The following UBAP2L variants were observed in gnomAD, a reference collection of about 807,000 sequenced individuals.
The protein encoded by UBAP2L is ubiquitin associated protein 2 like, also known as ubiquitin-associated protein 2-like.
UBAP2L carries 12 observed loss-of-function variants against 130.6 expected under a neutral mutation model. The ratio of observed to expected loss-of-function variants is 0.09; its 90% CI spans 0.06 to 0.15. The LOEUF (loss-of-function observed/expected upper bound fraction) is 0.15. UBAP2L is among the 10% of genes least tolerant of loss of function. The pLI, the probability that UBAP2L is intolerant of heterozygous loss-of-function variation, is 1.00. For synonymous variants in UBAP2L, 503 were observed against 524.7 expected (o/e 0.96, Z 0.57); for missense variants, 965 against 1,332.5 (o/e 0.72, Z 4.29).
Position 154,270,775 on chromosome 1 carries a change from T to G in UBAP2L, c.*480T>G, listed in dbSNP as rs902715457. 1.1e-5 allele frequency: 14 copies of G among 1,225,704 alleles called. No individual in the cohort carries two copies. The highest frequency in any genetic ancestry group is 8.1e-5 in the South Asian group (3 of 37,046). 75.9% of individuals were successfully genotyped at this position (1,225,704 alleles called of 1,614,324 possible). A position where few individuals can be genotyped will look rare whatever the true frequency, so the allele number is the denominator to read the frequency against. Reference sequence around the variant, plus strand: ...GTTGAAGTGGTTTTTTTTTTGTTTTTTTTTTTTTTTTGTACTGTGTCCTCA... The same window carrying G: ...GTTGAAGTGGTTTTTTTTTTGTTTTGTTTTTTTTTTTGTACTGTGTCCTCA... On this transcript the variant is annotated 3_prime_UTR_variant, in exon 27 of 27. Coordinates refer to ENST00000428931, the MANE Select transcript of UBAP2L (RefSeq NM_014847.4).
Position 154,257,450 on chromosome 1 carries a change from G to C in UBAP2L, c.2442+16G>C. ...TGCCTACCCGGTAAGTGGGACTAAA[G>C]GATCTTCTTCAAAAGGTGAGGATGT... On this transcript the variant is annotated intron_variant, in intron 20 of 26. Transcript: ENST00000428931. 6.2e-7 allele frequency: 1 copy of C among 1,612,010 alleles called. No homozygotes were observed. Among genetic ancestry groups the C allele is most frequent in the Non-Finnish European group, 8.5e-7 (1 of 1,179,716 alleles).
rs1285752190 is a variant in UBAP2L at position 154,255,773 on chromosome 1, A to C, written c.2157+18A>C. Reference sequence around the variant, plus strand: ...CTCTTTTGGTAAGTGTGATGCTGAGAGGGATGTGTGGTTTTCTTACACTTA... The same window carrying C: ...CTCTTTTGGTAAGTGTGATGCTGAGCGGGATGTGTGGTTTTCTTACACTTA... On this transcript the variant is annotated intron_variant, in intron 18 of 26. Coordinates refer to ENST00000428931, the MANE Select transcript of UBAP2L (RefSeq NM_014847.4). The C allele has an allele frequency of 1.9e-6, 3 of 1,613,302 alleles. No individual in the cohort carries two copies. The highest frequency in any genetic ancestry group is 2.5e-6 in the Non-Finnish European group (3 of 1,179,428).
intron 4 of UBAP2L, among the ~76,000 whole-genome samples, chr1:154,231,274 G>A (rs898830928): frequency 1.2e-4 from 18 of 148,250 alleles, no homozygotes; most frequent in Admixed American, 2.7e-4. Flanking sequence ...ACAGGTGTGC[G>A]CCACCACACT....
chr1:154,252,326 G>A (rs1294943535), intron 14 of UBAP2L, among the ~76,000 whole-genome samples: 43 of 147,958 alleles, frequency 2.9e-4, no homozygotes, highest in South Asian at 1.9e-3. Context: ...CTGTTGCCAG[G>A]CTGGAGTGCA....
In UBAP2L at chr1:154,258,966, G is replaced by T. The variant is rs1260211183; in HGVS notation, c.2443-11G>T. On this transcript the variant is annotated splice_polypyrimidine_tract_variant and intron_variant, in intron 20 of 26. Transcript: ENST00000428931. ...CAGTTCCTGTTATTGCTATATGTCTGTATCTTTCAGCCACAAGTATATGGT... is the reference window on the plus strand; with the variant it reads ...CAGTTCCTGTTATTGCTATATGTCTTTATCTTTCAGCCACAAGTATATGGT... 1 of 1,612,986 alleles carries T rather than the reference G, an allele frequency of 6.2e-7. No individual in the cohort carries two copies.
In UBAP2L at chr1:154,254,046, G is replaced by T; in HGVS notation, c.1811G>T (p.Ser604Ile). The part of the protein sequence containing the change: ...QRSTQTRRYP[S>I]SISSSPQKDL... ...TCCACACAGACTCGGCGGTACCCCA[G>T]CTCCATCTCTTCATCACCCCAAAAG... The change falls in exon 15 of 27, where the codon AGC becomes ATC. Residue 604 changes from serine to isoleucine, a missense_variant. Coordinates refer to ENST00000428931, the MANE Select transcript of UBAP2L (RefSeq NM_014847.4). 6.2e-7 allele frequency: 1 copy of T among 1,602,250 alleles called. No individual in the cohort carries two copies. The highest frequency in any genetic ancestry group is 8.5e-7 in the Non-Finnish European group (1 of 1,175,154).
At chr1:154,247,688 C>A (rs1390920028) in intron 11 of UBAP2L, among the ~76,000 whole-genome samples, 2 of 152,038 alleles carry the variant, frequency 1.3e-5, no homozygotes, top group African/African-American at 4.8e-5. Context: ...TTGAGCTCAC[C>A]ACTGTACTCC....
chr1:154,254,955 C>T lies in UBAP2L; in HGVS notation c.1909+65C>T. ...TTTTCTATCTTAAAATGGTGATAAT[C>T]CATTAGTTCCCTTCACTGGACAATT... is the stretch of plus-strand genomic sequence containing the variant. On this transcript the variant is annotated intron_variant, in intron 16 of 26. Transcript: ENST00000428931. The T allele has an allele frequency of 2.6e-6, 4 of 1,547,544 alleles. No homozygotes were observed. In the South Asian group the frequency reaches 3.6e-5, roughly 14 times the overall value.
chr1:154,264,265 T>C (rs1682543686), intron 24 of UBAP2L, among the ~76,000 whole-genome samples: 1 of 152,174 alleles, frequency 6.6e-6, no homozygotes, highest in Non-Finnish European at 1.5e-5. Flanking sequence ...GTAATTTTGC[T>C]CTGTGGAGTG....
intron 8 of UBAP2L, among the ~76,000 whole-genome samples, chr1:154,241,232 G>A (rs948217807): frequency 2.0e-5 from 3 of 152,026 alleles, no homozygotes; most frequent in Non-Finnish European, 2.9e-5. Flanking sequence ...GGGATTACAG[G>A]CATGTGCCAC....
intron 20 of UBAP2L, chr1:154,257,800 C>A: frequency 3.5e-6 from 1 of 283,416 alleles, no homozygotes; most frequent in Non-Finnish European, 6.8e-6. Flanking sequence ...TGTGTATCTG[C>A]TTTGGTTTAT....
chr1:154,234,945 G>A (rs534965947), intron 5 of UBAP2L, among the ~76,000 whole-genome samples, 186 bp downstream of exon 5: 7 of 152,108 alleles, frequency 4.6e-5, no homozygotes, highest in Non-Finnish European at 7.4e-5. Context: ...CCACCAGTCT[G>A]GCATGAGATT....
At chr1:154,254,226 C>A in intron 15 of UBAP2L, 137 bp downstream of exon 15, 1 of 785,542 alleles carries the variant, frequency 1.3e-6, no homozygotes, top group Non-Finnish European at 1.9e-6. Flanking sequence ...AAAAGGCACA[C>A]ATCTGTGGCT....
intron 3 of UBAP2L, 36 bp downstream of exon 3, chr1:154,227,395 A>G (rs760912644): frequency 6.4e-7 from 1 of 1,560,142 alleles, no homozygotes; most frequent in Non-Finnish European, 8.8e-7. Context: ...CACTATGAGA[A>G]AAGATACCAG....
At chr1:154,236,730 C>T (rs1671814012) in intron 7 of UBAP2L, 119 bp downstream of exon 7, 3 of 1,076,132 alleles carry the variant, frequency 2.8e-6, no homozygotes, top group Non-Finnish European at 4.2e-6. Context: ...GGACTTAGGG[C>T]TCATTTCTTA....
intron 24 of UBAP2L, among the ~76,000 whole-genome samples, chr1:154,265,789 C>CAT (rs2307621): frequency 0.55 from 83,777 of 151,600 alleles, 23,868 homozygotes; most frequent in African/African-American, 0.66. Context: ...CTGAAAATGA[C>CAT]GTGGTTTTTG....
At position 154,257,016 on chromosome 1, in the gene UBAP2L, G is replaced by A. The variant is rs773121009; in HGVS notation, c.2158-47G>A. The A allele has an allele frequency of 1.9e-6, 3 of 1,583,204 alleles. No homozygotes were observed. The Admixed American group carries it at 5.2e-5, about 27-fold the overall frequency. On this transcript the variant is annotated intron_variant, in intron 18 of 26. Transcript: ENST00000428931. ...TGTCTTATTTTTCCTGACCTATGATGCTGATCTCTTTTCTTCTTCTCTCTT... is the reference window on the plus strand; with the variant it reads ...TGTCTTATTTTTCCTGACCTATGATACTGATCTCTTTTCTTCTTCTCTCTT...
intron 4 of UBAP2L, among the ~76,000 whole-genome samples, chr1:154,233,926 C>G (rs1410745236): frequency 6.9e-6 from 1 of 145,954 alleles, no homozygotes; most frequent in South Asian, 2.1e-4. Flanking sequence ...GGACCAATAA[C>G]TTGGTCCTTT....
At position 154,254,046 on chromosome 1, in the gene UBAP2L, G is replaced by C; in HGVS notation, c.1811G>C (p.Ser604Thr). The change falls in exon 15 of 27, where the codon AGC (serine) becomes ACC (threonine). Residue 604 changes from serine to threonine, a missense_variant. Transcript: ENST00000428931. ...TCCACACAGACTCGGCGGTACCCCA[G>C]CTCCATCTCTTCATCACCCCAAAAG... ...QRSTQTRRYP[S>T]SISSSPQKDL... 6 of 1,602,250 alleles carry C rather than the reference G, an allele frequency of 3.7e-6. No homozygotes were observed. The highest frequency in any genetic ancestry group is 5.1e-6 in the Non-Finnish European group (6 of 1,175,154).
Sources: gnomAD v4.1 joint callset for allele counts (sites outside exome capture counted in the v4.1 genomes callset) on GRCh38, gnomAD v4.1.1 for gene constraint, MANE v1.5 for transcripts, NCBI Gene and HGNC (gene_info 2026-07-23, HGNC 2026-07-21) for gene names.